NOCT: variants seen among roughly 807,000 people sequenced by gnomAD.
NOCT encodes nocturnin, also known as CCR4 carbon catabolite repression 4-like.
In NOCT, 18 loss-of-function variants were observed where a neutral mutation model predicts 35.0. That is an observed-to-expected ratio of 0.51 (90% CI 0.36 to 0.76). NOCT has a LOEUF of 0.76. NOCT is among the 30% of genes least tolerant of loss of function. The probability of loss-of-function intolerance (pLI) is 0.01; values close to 1 mark genes in which losing one functional copy is unlikely to be tolerated. For synonymous variants in NOCT, 235 were observed against 226.3 expected (o/e 1.04, Z -0.34); for missense variants, 479 against 541.0 (o/e 0.89, Z 1.14).
intron 1 of NOCT, among the ~76,000 whole-genome samples, chr4:139,042,693 A>G (rs1051831662): frequency 1.3e-5 from 2 of 152,266 alleles, no homozygotes; most frequent in East Asian, 3.9e-4. Context: ...AGGCGGGCAG[A>G]TCACCTGAGG....
At chr4:139,028,455 C>T (rs1177719934) in intron 1 of NOCT, 1 of 152,316 alleles carries the variant, frequency 6.6e-6, no homozygotes, top group Non-Finnish European at 1.5e-5. Flanking sequence ...TCTGGTAATG[C>T]CAAGCGGGTC....
chr4:139,040,606 AC>A (rs1412299847), intron 1 of NOCT, among the ~76,000 whole-genome samples: 2 of 152,078 alleles, frequency 1.3e-5, no homozygotes, highest in Admixed American at 1.3e-4. Context: ...TCATATAACC[AC>A]CCTAAAACTC....
chr4:139,035,393 CCCAAA>C (rs1726712294), intron 1 of NOCT, among the ~76,000 whole-genome samples: 2 of 152,194 alleles, frequency 1.3e-5, no homozygotes, highest in African/African-American at 2.4e-5. Context: ...GCCTTGGCCT[CCCAAA>C]GTGTTTTGAT....
At chr4:139,016,651 T>G (rs982070666) in intron 1 of NOCT, among the ~76,000 whole-genome samples, 1 of 120,006 alleles carries the variant, frequency 8.3e-6, no homozygotes, top group Admixed American at 8.8e-5. Flanking sequence ...GTTTTTTTTT[T>G]TTTTTTTTTT....
chr4:139,044,844 A>T lies in NOCT; in HGVS notation c.666A>T (p.Ser222=), dbSNP rs754052748. 1.6e-5 allele frequency: 26 copies of T among 1,614,038 alleles called. No homozygotes were observed. The South Asian group carries it at 2.6e-4, about 16-fold the overall frequency. The change falls in exon 3 of 3, where the codon TCA becomes TCT. Residue 222 remains serine (S), a synonymous_variant. Coordinates refer to ENST00000280614, the MANE Select transcript of NOCT (RefSeq NM_012118.4). ...GCACGTTTTTCCCCAAACCCTGGTC[A>T]CCTTGTCTAGATGTAGAACACAACA... is the stretch of plus-strand genomic sequence containing the variant. ...YQGTFFPKPW[S]PCLDVEHNNG...
chr4:139,017,974 T>G (rs973170842), intron 1 of NOCT, among the ~76,000 whole-genome samples: 2 of 152,134 alleles, frequency 1.3e-5, no homozygotes, highest in Admixed American at 6.6e-5. Flanking sequence ...AGTTGAGATT[T>G]GCAGGTGGAA....
intron 1 of NOCT, 119 bp from the exon 2 acceptor site, chr4:139,042,955 A>T: frequency 1.1e-6 from 1 of 892,494 alleles, no homozygotes; most frequent in Non-Finnish European, 1.7e-6. Flanking sequence ...TTTATACACT[A>T]TTATGGCAAC....
chr4:139,042,687 G>A (rs565350519), intron 1 of NOCT, among the ~76,000 whole-genome samples: 2 of 152,194 alleles, frequency 1.3e-5, no homozygotes, highest in East Asian at 1.9e-4. Context: ...AGGCCGAGGC[G>A]GGCAGATCAC....
At position 139,028,415 on chromosome 4, in the gene NOCT, G is replaced by C. The variant is rs1467937725; in HGVS notation, c.190+12244G>C. The stretch of plus-strand genomic sequence containing the variant: ...GGTGCTTGTATTTTTAGACACGTTA[G>C]GTTGAGAGTTCTGACCTTCACTTGA... On this transcript the variant is annotated intron_variant, in intron 1 of 2. Transcript: ENST00000280614. 6 of 152,280 alleles carry C rather than the reference G, an allele frequency of 3.9e-5. No individual in the cohort carries two copies. In the East Asian group the frequency reaches 1.2e-3, roughly 29 times the overall value. The allele number at this position is 152,280 out of a possible 1,614,324, so 9.4% of individuals were successfully genotyped here.
At chr4:139,043,740 A>ATT (rs1726881725) in intron 2 of NOCT, 1 of 155,224 alleles carries the variant, frequency 6.4e-6, no homozygotes, top group Non-Finnish European at 1.4e-5. Context: ...ACATGGAGAA[A>ATT]CCCCGTTTCT....
chr4:139,044,501 A>G (rs1726897699), intron 2 of NOCT, 138 bp from the exon 3 acceptor site: 2 of 610,646 alleles, frequency 3.3e-6, no homozygotes, highest in African/African-American at 1.8e-5. Flanking sequence ...ATGGGGTAAT[A>G]CAGTTTGGAC....
intron 1 of NOCT, among the ~76,000 whole-genome samples, chr4:139,021,300 G>A (rs561238446): frequency 6.6e-6 from 1 of 151,886 alleles, no homozygotes; most frequent in African/African-American, 2.4e-5. Context: ...ATCACGCCCC[G>A]CCAAAAGCAG....
In NOCT at chr4:139,043,203, C is replaced by T. The variant is rs1180275240; in HGVS notation, c.320C>T (p.Pro107Leu). 1.2e-6 allele frequency: 2 copies of T among 1,614,068 alleles called. No homozygotes were observed. Among genetic ancestry groups the T allele is most frequent in the South Asian group, 1.1e-5 (1 of 91,088 alleles). ...PDPEHLEPID[P>L]KELLEECRAV... ...CCAGAGCATCTGGAGCCCATTGATC[C>T]TAAAGAGCTTCTTGAGGAATGCAGG... The change falls in exon 2 of 3, where the codon CCT becomes CTT. Residue 107 changes from proline (P) to leucine (L), a missense_variant. Transcript: ENST00000280614.
chr4:139,045,670 C>A lies in NOCT; in HGVS notation c.*196C>A. ...CAACTGGGACAACAGGCGCCCGTCA[C>A]CACGCCCAGCTAATTTTTTGTATTT... On this transcript the variant is annotated 3_prime_UTR_variant, in exon 3 of 3. Transcript: ENST00000280614. 1 of 470,058 alleles carries A rather than the reference C, an allele frequency of 2.1e-6. No individual in the cohort carries two copies. The highest frequency in any genetic ancestry group is 2.0e-5 in the African/African-American group (1 of 50,312). 29.1% of individuals were successfully genotyped at this position (470,058 alleles called of 1,614,324 possible). A position where few individuals can be genotyped will look rare whatever the true frequency, so the allele number is the denominator to read the frequency against.
rs748121162 is a variant in NOCT, at chr4:139,044,909, G to A, written c.731G>A (p.Arg244Gln). ...TGTGCCTTATTTTTTCTTCAAAACC[G>A]ATTCAAGCTAGTCAACAGTGCCAAT... Reference protein sequence around the residue: ...DGCALFFLQNRFKLVNSANIR... With the variant: ...DGCALFFLQNQFKLVNSANIR... The change falls in exon 3 of 3, where the codon CGA becomes CAA. Residue 244 changes from arginine (R) to glutamine (Q), a missense_variant. Physicochemically the swap from Arg to Gln is conservative, Grantham distance 43 (BLOSUM62 1). Transcript: ENST00000280614. The A allele has an allele frequency of 1.6e-5, 26 of 1,613,994 alleles. No homozygotes were observed. The highest frequency in any genetic ancestry group is 2.2e-5 in the East Asian group (1 of 44,892).
chr4:139,015,963 G>T lies in NOCT; in HGVS notation c.-19G>T. On this transcript the variant is annotated 5_prime_UTR_variant, in exon 1 of 3. Coordinates refer to ENST00000280614, the MANE Select transcript of NOCT (RefSeq NM_012118.4). The stretch of plus-strand genomic sequence containing the variant: ...GCTCCTCGGGCGCGCGAGGGGCCGT[G>T]GTGGCGGCGGCGCCCGGCATGTTTC... 7.5e-7 allele frequency: 1 copy of T among 1,336,242 alleles called. No individual in the cohort carries two copies. The highest frequency in any genetic ancestry group is 9.5e-7 in the Non-Finnish European group (1 of 1,048,754). 82.8% of individuals were successfully genotyped at this position (1,336,242 alleles called of 1,614,324 possible).
intron 1 of NOCT, among the ~76,000 whole-genome samples, chr4:139,042,125 TAG>T (rs1004768361): frequency 9.7e-5 from 13 of 134,068 alleles, no homozygotes; most frequent in Non-Finnish European, 1.7e-4. Context: ...TGGAGCTCAA[TAG>T]AGTCACCTCA....
At chr4:139,037,713 C>G (rs1238800015) in intron 1 of NOCT, among the ~76,000 whole-genome samples, 2 of 152,146 alleles carry the variant, frequency 1.3e-5, no homozygotes, top group African/African-American at 4.8e-5. Flanking sequence ...CACGTAAGCC[C>G]TCATTTTAAA....
At position 139,045,253 on chromosome 4, in the gene NOCT, C is replaced by T; in HGVS notation, c.1075C>T (p.Pro359Ser). 1 of 1,614,148 alleles carries T rather than the reference C, an allele frequency of 6.2e-7. No homozygotes were observed. Among genetic ancestry groups the T allele is most frequent in the Non-Finnish European group, 8.5e-7 (1 of 1,180,006 alleles). Reference protein sequence around the residue: ...KLLSADGQSEPPYTTWKIRTS... With the variant: ...KLLSADGQSESPYTTWKIRTS... ...GCTGAGTGCTGATGGGCAGTCAGAA[C>T]CCCCATACACTACCTGGAAGATCCG... The change falls in exon 3 of 3, where the codon CCC (proline) becomes TCC (serine). Residue 359 changes from proline (P) to serine (S), a missense_variant. Pro to Ser is a moderately conservative substitution (Grantham distance 74, BLOSUM62 -1). Coordinates refer to ENST00000280614, the MANE Select transcript of NOCT (RefSeq NM_012118.4).
Sources: gnomAD v4.1 joint callset for allele counts (sites outside exome capture counted in the v4.1 genomes callset) on GRCh38, gnomAD v4.1.1 for gene constraint, MANE v1.5 for transcripts, NCBI Gene and HGNC (gene_info 2026-07-23, HGNC 2026-07-21) for gene names.